UBASH3B: variants seen among roughly 807,000 people sequenced by gnomAD.
UBASH3B encodes ubiquitin-associated and SH3 domain-containing protein B.
A neutral mutation model predicts 83.4 loss-of-function variants in UBASH3B; 37 were observed. The ratio of observed to expected loss-of-function variants is 0.44; its 90% confidence interval spans 0.34 to 0.58. The LOEUF is 0.58. Among genes scored for constraint, UBASH3B ranks in the 20% least tolerant of loss-of-function variants. The probability of loss-of-function intolerance (pLI) is 0.01; values close to 1 mark genes in which losing one functional copy is unlikely to be tolerated. For missense variants in UBASH3B, 657 were observed against 827.2 expected (o/e 0.79, Z 2.52); for synonymous variants, 304 against 318.3 (o/e 0.96, Z 0.48).
rs1395707896 is a variant in UBASH3B at position 122,801,267 on chromosome 11, A to G, written c.1530A>G (p.Thr510=). The G allele has an allele frequency of 2.5e-6, 4 of 1,614,190 alleles. No homozygotes were observed. Among genetic ancestry groups the G allele is most frequent in the African/African-American group, 2.7e-5 (2 of 75,042 alleles). ...GGACAAAATGGGTTGCTGGGAGCAC[A>G]TTACCTGCATGGATACCTCCATCAG... The part of the protein sequence containing the change: ...FEWTKWVAGS[T]LPAWIPPSEL... Residue 510 remains threonine (T), a synonymous_variant, in exon 11 of 14, where the codon ACA becomes ACG. Transcript: ENST00000284273.
intron 1 of UBASH3B, among the ~76,000 whole-genome samples, chr11:122,706,015 A>C (rs1377129267): frequency 2.6e-5 from 4 of 151,868 alleles, no homozygotes; most frequent in African/African-American, 9.7e-5. Context: ...AGGCCACCTC[A>C]TGTCCATTCT....
chr11:122,740,603 A>G (rs1861008244), intron 1 of UBASH3B, among the ~76,000 whole-genome samples: 1 of 152,196 alleles, frequency 6.6e-6, no homozygotes, highest in African/African-American at 2.4e-5. Context: ...GAGGTTGGAT[A>G]ACTTGCCCAT....
At chr11:122,710,294 A>C (rs578249346) in intron 1 of UBASH3B, among the ~76,000 whole-genome samples, 26 of 152,224 alleles carry the variant, frequency 1.7e-4, no homozygotes, top group Non-Finnish European at 3.2e-4. Context: ...AGTTTAGGAA[A>C]GGCATTTAGG....
At chr11:122,795,789 T>G (rs573589388) in intron 7 of UBASH3B, among the ~76,000 whole-genome samples, 4 of 152,180 alleles carry the variant, frequency 2.6e-5, no homozygotes, top group Non-Finnish European at 4.4e-5. Context: ...TGCCCCTTTT[T>G]GGGGGGAAGG....
At chr11:122,693,898 A>G (rs2135922151) in intron 1 of UBASH3B, among the ~76,000 whole-genome samples, 1 of 152,158 alleles carries the variant, frequency 6.6e-6, no homozygotes, top group East Asian at 1.9e-4. Context: ...GAAAGAAAGA[A>G]TGATGAGGCT....
chr11:122,702,649 C>A (rs1182954075), intron 1 of UBASH3B, among the ~76,000 whole-genome samples: 1 of 151,866 alleles, frequency 6.6e-6, no homozygotes, highest in African/African-American at 2.4e-5. Flanking sequence ...TTCAGCCTCT[C>A]GAGTAGCTGA....
chr11:122,716,390 G>A (rs903975570), intron 1 of UBASH3B, among the ~76,000 whole-genome samples: 19 of 152,192 alleles, frequency 1.2e-4, no homozygotes, highest in African/African-American at 4.6e-4. Context: ...GCCCAGGCTG[G>A]GTTATTTTTT....
intron 1 of UBASH3B, among the ~76,000 whole-genome samples, chr11:122,718,789 T>G (rs1216618147): frequency 1.3e-5 from 2 of 152,132 alleles, no homozygotes; most frequent in Admixed American, 1.3e-4. Context: ...CTTACTCCAA[T>G]CTGACACAAT....
At chr11:122,739,062 G>A (rs963382026) in intron 1 of UBASH3B, among the ~76,000 whole-genome samples, 5 of 152,078 alleles carry the variant, frequency 3.3e-5, no homozygotes, top group Non-Finnish European at 5.9e-5. Flanking sequence ...GTGGTGGCAC[G>A]ATCACGGCTT....
At chr11:122,692,332 T>G (rs1189901350) in intron 1 of UBASH3B, among the ~76,000 whole-genome samples, 3 of 152,344 alleles carry the variant, frequency 2.0e-5, no homozygotes, top group Middle Eastern at 3.4e-3. Flanking sequence ...AATATTTTCT[T>G]GCTAAACATT....
Position 122,779,682 on chromosome 11 carries a change from T to A in UBASH3B, c.588T>A (p.Ala196=). Residue 196 remains alanine (A), a synonymous_variant, in exon 4 of 14, where the codon GCT becomes GCA. Transcript: ENST00000284273. ...KKFAADFAAE[A]ASKTEVHVEP... is the part of the protein sequence containing the mutation. The stretch of plus-strand genomic sequence containing the variant: ...TTGCTGCTGACTTTGCTGCAGAGGC[T>A]GCATCCAAAACCGGTGAGCAAACAG... 6.2e-7 allele frequency: 1 copy of A among 1,614,164 alleles called. No individual in the cohort carries two copies. The highest frequency in any genetic ancestry group is 8.5e-7 in the Non-Finnish European group (1 of 1,180,034).
In UBASH3B at chr11:122,655,814, C is replaced by G. The variant is rs1306784799; in HGVS notation, c.-236C>G. 6 of 453,732 alleles carry G rather than the reference C, an allele frequency of 1.3e-5. No homozygotes were observed. The highest frequency in any genetic ancestry group is 1.9e-5 in the Non-Finnish European group (5 of 258,810). The allele number at this position is 453,732 out of a possible 1,614,324, so 28.1% of individuals were successfully genotyped here. ...GCAGAGCTGGGGGCAGCCGGGGGCCCGAGTGGCTGAGGCTGGTCCCGCAGC... is the reference window on the plus strand; with the variant it reads ...GCAGAGCTGGGGGCAGCCGGGGGCCGGAGTGGCTGAGGCTGGTCCCGCAGC... On this transcript the variant is annotated 5_prime_UTR_variant, in exon 1 of 14. Coordinates refer to ENST00000284273, the MANE Select transcript of UBASH3B (RefSeq NM_032873.5).
chr11:122,789,370 G>A, intron 6 of UBASH3B, 62 bp downstream of exon 6: 1 of 1,556,658 alleles, frequency 6.4e-7, no homozygotes, highest in Non-Finnish European at 8.8e-7. Context: ...ACTGGATCCT[G>A]GATACACAGG....
chr11:122,699,462 G>A (rs1273197257), intron 1 of UBASH3B, among the ~76,000 whole-genome samples: 1 of 151,778 alleles, frequency 6.6e-6, no homozygotes, highest in African/African-American at 2.4e-5. Context: ...CAAAATTATT[G>A]TGAGAAACAC....
At chr11:122,785,741 T>C (rs1410258164) in intron 5 of UBASH3B, among the ~76,000 whole-genome samples, 1 of 152,218 alleles carries the variant, frequency 6.6e-6, no homozygotes, top group Non-Finnish European at 1.5e-5. Context: ...AAATCTCCAG[T>C]CCTTAGTTTT....
intron 1 of UBASH3B, among the ~76,000 whole-genome samples, chr11:122,769,557 G>A (rs971403301): frequency 6.6e-6 from 1 of 152,198 alleles, no homozygotes; most frequent in African/African-American, 2.4e-5. Context: ...TCTCAAGATG[G>A]CCGCCAGCCC....
intron 1 of UBASH3B, among the ~76,000 whole-genome samples, chr11:122,678,447 A>T (rs544116826): frequency 6.6e-6 from 1 of 152,292 alleles, no homozygotes; most frequent in South Asian, 2.1e-4. Context: ...GAAAATAGAA[A>T]CCATAAGAAG....
intron 1 of UBASH3B, among the ~76,000 whole-genome samples, chr11:122,738,665 G>A (rs1860974510): frequency 6.6e-6 from 1 of 152,176 alleles, no homozygotes; most frequent in African/African-American, 2.4e-5. Flanking sequence ...GAGGTGGGCA[G>A]ATCACCTGAA....
In UBASH3B at chr11:122,656,118, C is replaced by T; in HGVS notation, c.69C>T (p.Thr23=). The T allele has an allele frequency of 6.2e-7, 1 of 1,600,134 alleles. No homozygotes were observed. The highest frequency in any genetic ancestry group is 8.5e-7 in the Non-Finnish European group (1 of 1,174,556). The change falls in exon 1 of 14, where the codon ACC becomes ACT. Residue 23 remains threonine, a synonymous_variant. Transcript: ENST00000284273. ...AAREELYSKV[T]PRRNRQQRPG... ...GAGAGGAGCTGTACAGCAAAGTCAC[C>T]CCCCGGAGGAACCGCCAACAGCGCC...
Sources: allele counts gnomAD v4.1 joint callset (sites outside exome capture counted in the v4.1 genomes callset), GRCh38; gene constraint gnomAD v4.1.1; transcripts MANE v1.5; gene names NCBI Gene and HGNC (gene_info 2026-07-23, HGNC 2026-07-21).